TMCC1: variants seen among roughly 807,000 people sequenced by gnomAD.
TMCC1 encodes transmembrane and coiled-coil domains protein 1.
Under a neutral mutation model 52.4 loss-of-function variants are expected in TMCC1, and 15 were observed. That is an observed-to-expected ratio of 0.29 (90% CI 0.19 to 0.44). The LOEUF is 0.44. TMCC1 is among the 20% of genes least tolerant of loss of function. TMCC1 has a pLI of 1.00. For missense variants in TMCC1, 503 were observed against 806.0 expected (o/e 0.62, Z 4.55); for synonymous variants, 279 against 301.9 (o/e 0.92, Z 0.79).
chr3:129,711,747 T>G (rs572600833), intron 4 of TMCC1, among the ~76,000 whole-genome samples: 9 of 149,476 alleles, frequency 6.0e-5, no homozygotes, highest in Non-Finnish European at 5.9e-5. Context: ...TCCCAGCACT[T>G]TGGGAGGGTG....
chr3:129,690,209 A>G (rs772266827), intron 4 of TMCC1, among the ~76,000 whole-genome samples: 3 of 152,200 alleles, frequency 2.0e-5, no homozygotes, highest in Non-Finnish European at 2.9e-5. Context: ...GGACTCTATA[A>G]GAGAATCCAT....
intron 4 of TMCC1, among the ~76,000 whole-genome samples, chr3:129,689,703 T>C (rs73866105): frequency 0.016 from 2,451 of 152,258 alleles, 51 homozygotes; most frequent in African/African-American, 0.057. Context: ...ACTTAAACCA[T>C]ACAAAGCCCT....
intron 2 of TMCC1, among the ~76,000 whole-genome samples, chr3:129,871,587 C>T (rs1355729254): frequency 6.6e-6 from 1 of 151,978 alleles, no homozygotes; most frequent in Non-Finnish European, 1.5e-5. Flanking sequence ...ATTTACAATC[C>T]CGTGTAACCA....
intron 4 of TMCC1, among the ~76,000 whole-genome samples, chr3:129,749,413 G>C (rs563153506): frequency 4.6e-5 from 7 of 151,998 alleles, no homozygotes; most frequent in Non-Finnish European, 1.0e-4. Context: ...AATGTTAACA[G>C]AGGAAACAAA....
chr3:129,762,613 C>T (rs896895015), intron 4 of TMCC1, among the ~76,000 whole-genome samples: 9 of 151,834 alleles, frequency 5.9e-5, no homozygotes, highest in Admixed American at 3.9e-4. Flanking sequence ...CATATTGAAA[C>T]GTCATCTCTC....
At chr3:129,789,512 G>A (rs1159571199) in intron 4 of TMCC1, among the ~76,000 whole-genome samples, 3 of 152,098 alleles carry the variant, frequency 2.0e-5, no homozygotes, top group Non-Finnish European at 2.9e-5. Context: ...ACGGAGTCTC[G>A]CTCTGTCGCC....
Position 129,651,771 on chromosome 3 carries a change from G to A in TMCC1, c.1672C>T (p.Arg558Cys), listed in dbSNP as rs1414745829. 5.0e-6 allele frequency: 8 copies of A among 1,613,758 alleles called. No individual in the cohort carries two copies. The highest frequency in any genetic ancestry group is 6.8e-6 in the Non-Finnish European group (8 of 1,179,830). The change falls in exon 7 of 7, where the codon CGC (arginine) becomes TGC (cysteine). Residue 558 changes from arginine to cysteine, a missense_variant. By Grantham distance (180) the Arg-to-Cys change is radical. Transcript: ENST00000393238. This position sits in a 1 kb window ranked among gnomAD's most constrained non-coding sequence, Gnocchi z 5.1. ...TGCTGCAGCTCCATCTTGGAGATGC[G>A]CGTCTGGCATGCCTCCAGGGCCTCC... ...IQEALEACQT[R>C]ISKMELQQQQ...
At chr3:129,785,598 C>A in intron 4 of TMCC1, among the ~76,000 whole-genome samples, 1 of 148,756 alleles carries the variant, frequency 6.7e-6, no homozygotes, top group Non-Finnish European at 1.5e-5. Context: ...CACACACACA[C>A]ACATACACAC....
In TMCC1 at chr3:129,842,477, AACACACACAC is replaced by A. The variant is rs61106930; in HGVS notation, c.-183-9661_-183-9652del. 3.4e-5 allele frequency among the ~76,000 whole-genome samples: 5 copies of A among 147,650 alleles called. 1 individual carries two copies. Among genetic ancestry groups the A allele is most frequent in the African/African-American group, 9.9e-5 (4 of 40,314 alleles). On this transcript the variant is annotated intron_variant, in intron 2 of 6. Coordinates refer to ENST00000393238, the MANE Select transcript of TMCC1 (RefSeq NM_001017395.5). ...CGAGACTTTGTCTAAAAAAAAACAA[AACACACACAC>A]ACACACACACACACACACGTAAGCA... is the stretch of plus-strand genomic sequence containing the variant.
chr3:129,720,698 A>C (rs956503513), intron 4 of TMCC1, among the ~76,000 whole-genome samples: 7 of 151,866 alleles, frequency 4.6e-5, no homozygotes, highest in African/African-American at 1.7e-4. Context: ...TTAAGCTAAT[A>C]TTTTTATTAT....
chr3:129,663,461 T>C (rs1160938218), intron 5 of TMCC1, among the ~76,000 whole-genome samples: 1 of 152,014 alleles, frequency 6.6e-6, no homozygotes, highest in African/African-American at 2.4e-5. Flanking sequence ...ACAGTTGGGG[T>C]AGGGAGTATG....
chr3:129,795,197 T>A (rs963562938), intron 4 of TMCC1, among the ~76,000 whole-genome samples: 14 of 151,692 alleles, frequency 9.2e-5, no homozygotes, highest in Non-Finnish European at 1.5e-4. Flanking sequence ...AGTAATTTTT[T>A]AAAATCTACA....
At chr3:129,747,501 A>G (rs1373526080) in intron 4 of TMCC1, among the ~76,000 whole-genome samples, 1 of 152,144 alleles carries the variant, frequency 6.6e-6, no homozygotes, top group Non-Finnish European at 1.5e-5. Context: ...AACAACCACA[A>G]TATTCCTATC....
At chr3:129,785,933 C>CT (rs11391336) in intron 4 of TMCC1, among the ~76,000 whole-genome samples, 110,717 of 127,508 alleles carry the variant, frequency 0.87, 49,567 homozygotes, top group Non-Finnish European at 0.98. Context: ...CCCTCACCCC[C>CT]TTTTTTTTTT....
At chr3:129,699,715 A>G (rs2047677967) in intron 4 of TMCC1, among the ~76,000 whole-genome samples, 1 of 152,136 alleles carries the variant, frequency 6.6e-6, no homozygotes, top group Non-Finnish European at 1.5e-5. Flanking sequence ...TGAAGCCAGG[A>G]CTTCCAGACC....
intron 4 of TMCC1, among the ~76,000 whole-genome samples, chr3:129,674,906 C>T (rs1194835703): frequency 7.2e-5 from 11 of 152,102 alleles, no homozygotes; most frequent in Admixed American, 5.9e-4. Flanking sequence ...AAAGGCGCGA[C>T]GTCAGCTCAC....
intron 4 of TMCC1, among the ~76,000 whole-genome samples, chr3:129,774,751 A>G (rs2054887806): frequency 6.6e-6 from 1 of 152,180 alleles, no homozygotes; most frequent in Non-Finnish European, 1.5e-5. Context: ...AGGAAAAGGG[A>G]ACGAGTGTAA....
intron 4 of TMCC1, among the ~76,000 whole-genome samples, chr3:129,740,276 C>T (rs142213727): frequency 7.6e-4 from 115 of 152,276 alleles, no homozygotes; most frequent in African/African-American, 2.7e-3. Context: ...GTCTGCTAGT[C>T]AGAATTAGAG....
In TMCC1 at chr3:129,711,740, C is replaced by T. The variant is rs999108598; in HGVS notation, c.577-40476G>A. On this transcript the variant is annotated intron_variant, in intron 4 of 6. Coordinates refer to ENST00000393238, the MANE Select transcript of TMCC1 (RefSeq NM_001017395.5). Reference sequence around the variant, plus strand: ...GTGCGGTGGCTCACACCTGTAATCCCAGCACTTTGGGAGGGTGAGGCGGGC... The same window carrying T: ...GTGCGGTGGCTCACACCTGTAATCCTAGCACTTTGGGAGGGTGAGGCGGGC... 2.7e-5 allele frequency among the ~76,000 whole-genome samples: 4 copies of T among 149,266 alleles called. No homozygotes were observed. In the East Asian group the frequency reaches 7.8e-4, roughly 29 times the overall value.
Sources: allele counts gnomAD v4.1 joint callset (sites outside exome capture counted in the v4.1 genomes callset), GRCh38; gene constraint gnomAD v4.1.1; non-coding constraint Gnocchi (gnomAD v3.1); transcripts MANE v1.5; gene names NCBI Gene and HGNC (gene_info 2026-07-23, HGNC 2026-07-21).